Variants in KCNIP4 observed in about 807,000 individuals in gnomAD.
The protein encoded by KCNIP4 is potassium voltage-gated channel interacting protein 4.
In KCNIP4, 12 loss-of-function variants were observed where a neutral mutation model predicts 34.0. That is an observed-to-expected ratio of 0.35 (90% CI 0.23 to 0.57). The LOEUF (loss-of-function observed/expected upper bound fraction) is 0.57. Among genes scored for constraint, KCNIP4 ranks in the 20% least tolerant of loss-of-function variants. The pLI is 0.83. For missense variants in KCNIP4, 238 were observed against 311.7 expected (o/e 0.76, Z 1.78); for synonymous variants, 124 against 102.2 (o/e 1.21, Z -1.29).
intron 1 of KCNIP4, among the ~76,000 whole-genome samples, chr4:21,233,745 C>A (rs1007362647): frequency 2.7e-5 from 4 of 149,370 alleles, no homozygotes; most frequent in Non-Finnish European, 5.9e-5. Context: ...TATGCTTCTA[C>A]CTTAATCCAC....
At chr4:21,891,925 T>G (rs1255078889) in intron 1 of KCNIP4, among the ~76,000 whole-genome samples, 1 of 152,056 alleles carries the variant, frequency 6.6e-6, no homozygotes, top group African/African-American at 2.4e-5. Flanking sequence ...TAATTGAGAG[T>G]TGTGGTAAGA....
At chr4:21,446,631 G>T (rs1577373684) in intron 1 of KCNIP4, among the ~76,000 whole-genome samples, 2 of 118,248 alleles carry the variant, frequency 1.7e-5, no homozygotes, top group Non-Finnish European at 3.4e-5. Flanking sequence ...GTTGTGGGGT[G>T]GGGGGAGGGG....
chr4:20,935,617 C>T (rs1730983238), intron 1 of KCNIP4, among the ~76,000 whole-genome samples: 1 of 152,150 alleles, frequency 6.6e-6, no homozygotes, highest in Non-Finnish European at 1.5e-5. Flanking sequence ...ATCATGTCAC[C>T]TCTTTGTAAA....
At chr4:20,953,906 C>A (rs942532922) in intron 1 of KCNIP4, among the ~76,000 whole-genome samples, 7 of 152,120 alleles carry the variant, frequency 4.6e-5, no homozygotes, top group African/African-American at 1.4e-4. Flanking sequence ...TTAGCCTTTG[C>A]CCTACTGAGA....
intron 1 of KCNIP4, among the ~76,000 whole-genome samples, chr4:21,596,483 T>A (rs1742651654): frequency 1.3e-5 from 2 of 152,156 alleles, no homozygotes; most frequent in Admixed American, 6.6e-5. Flanking sequence ...ATTGTCTTTC[T>A]TAACTTGGCA....
rs1491027581 is a variant in KCNIP4 at position 20,882,589 on chromosome 4, AAC to A, written c.163+17_163+18del. ...ACAAGAGTTTCGGAGGAAAAAAAAA[AAC>A]AAAAAAACAAACTTGCTTTGAATAG... On this transcript the variant is annotated intron_variant, in intron 2 of 8. Transcript: ENST00000382152. The A allele has an allele frequency of 1.9e-6, 3 of 1,590,708 alleles. No individual in the cohort carries two copies. The East Asian group carries it at 6.7e-5, about 36-fold the overall frequency.
At chr4:20,796,468 T>C (rs949472652) in intron 3 of KCNIP4, among the ~76,000 whole-genome samples, 20 of 152,130 alleles carry the variant, frequency 1.3e-4, no homozygotes, top group African/African-American at 4.1e-4. Context: ...TGTTGGCTCA[T>C]TGGACAGAAC....
At chr4:21,680,256 C>T (rs58208771) in intron 1 of KCNIP4, among the ~76,000 whole-genome samples, 35,677 of 152,088 alleles carry the variant, frequency 0.23, 5,021 homozygotes, top group African/African-American at 0.4. Flanking sequence ...ACTTTCTTTA[C>T]TCACCCATAA....
rs115865974 is a variant in KCNIP4 at position 21,802,374 on chromosome 4, G to A, written c.61+146197C>T. ...GCTTTACAAGGAACCAAAACTCATCGTCTCTCTGCCTCCCTTATGTTGCTT... is the reference window on the plus strand; with the variant it reads ...GCTTTACAAGGAACCAAAACTCATCATCTCTCTGCCTCCCTTATGTTGCTT... On this transcript the variant is annotated intron_variant, in intron 1 of 8. Coordinates refer to ENST00000382152, the MANE Select transcript of KCNIP4 (RefSeq NM_025221.6). Among the ~76,000 whole-genome samples, 645 of 152,212 alleles carry A rather than the reference G, an allele frequency of 4.2e-3. 5 individuals carry two copies. The highest frequency in any genetic ancestry group is 0.014 in the African/African-American group (565 of 41,522).
chr4:21,478,021 C>T (rs1342231489), intron 1 of KCNIP4, among the ~76,000 whole-genome samples: 2 of 152,216 alleles, frequency 1.3e-5, no homozygotes, highest in Admixed American at 6.5e-5. Flanking sequence ...AACCTCTCAA[C>T]ATATCCTCCT....
intron 1 of KCNIP4, among the ~76,000 whole-genome samples, chr4:21,267,169 C>G (rs2109122130): frequency 6.6e-6 from 1 of 152,222 alleles, no homozygotes; most frequent in Non-Finnish European, 1.5e-5. Context: ...TCAAAAATGT[C>G]ATGTTGTTAA....
intron 1 of KCNIP4, among the ~76,000 whole-genome samples, chr4:21,340,040 T>C (rs1716596144): frequency 2.0e-5 from 3 of 152,158 alleles, no homozygotes; most frequent in Non-Finnish European, 1.5e-5. Flanking sequence ...CTGTACACCA[T>C]AGGCACTATT....
intron 1 of KCNIP4, among the ~76,000 whole-genome samples, chr4:21,197,791 A>T (rs1756163249): frequency 6.6e-6 from 1 of 152,172 alleles, no homozygotes; most frequent in Admixed American, 6.6e-5. Flanking sequence ...CATAATAAAT[A>T]ATCTATGTTT....
intron 1 of KCNIP4, among the ~76,000 whole-genome samples, chr4:21,923,594 A>T (rs562987173): frequency 9.9e-5 from 15 of 152,182 alleles, no homozygotes; most frequent in Admixed American, 7.2e-4. Context: ...ATAAATAAAT[A>T]AAATAAAATA....
chr4:21,477,569 A>G (rs1316514705), intron 1 of KCNIP4, among the ~76,000 whole-genome samples: 1 of 152,190 alleles, frequency 6.6e-6, no homozygotes, highest in African/African-American at 2.4e-5. Context: ...TAGCCTTGCC[A>G]TGGACAAAGG....
chr4:21,845,939 T>C (rs1723986619), intron 1 of KCNIP4: 1 of 151,566 alleles, frequency 6.6e-6, no homozygotes. Context: ...ACAGTCATAT[T>C]AAATATGCCC....
intron 1 of KCNIP4, among the ~76,000 whole-genome samples, chr4:21,352,716 G>A (rs1290413102): frequency 6.6e-6 from 1 of 152,242 alleles, no homozygotes; most frequent in African/African-American, 2.4e-5. Flanking sequence ...TGAACAAAAG[G>A]CAGCAGAAAC....
At chr4:21,926,552 G>A (rs1729257262) in intron 1 of KCNIP4, among the ~76,000 whole-genome samples, 1 of 152,108 alleles carries the variant, frequency 6.6e-6, no homozygotes, top group Non-Finnish European at 1.5e-5. Context: ...CTCCAGGATA[G>A]GCACTTTACA....
intron 1 of KCNIP4, among the ~76,000 whole-genome samples, chr4:21,705,735 T>C (rs549558665): frequency 1.3e-5 from 2 of 152,324 alleles, no homozygotes; most frequent in South Asian, 2.1e-4. Context: ...AAGAGACCCA[T>C]GTAGATACCT....
Sources: allele counts gnomAD v4.1 joint callset (sites outside exome capture counted in the v4.1 genomes callset), GRCh38; gene constraint gnomAD v4.1.1; transcripts MANE v1.5; gene names NCBI Gene and HGNC (gene_info 2026-07-23, HGNC 2026-07-21).